The following P2RX5 variants were observed in gnomAD, a reference collection of about 807,000 sequenced individuals.
P2RX5 encodes the protein P2X purinoceptor 5.
P2RX5 carries 46 observed loss-of-function variants against 54.1 expected under a neutral mutation model. The ratio of observed to expected loss-of-function variants is 0.85; its 90% CI spans 0.67 to 1.09. The LOEUF is 1.09. Among genes scored for constraint, P2RX5 ranks in the 50% least tolerant of loss-of-function variants. P2RX5 has a pLI of 0.00. For synonymous variants in P2RX5, 226 were observed against 226.4 expected, an observed-to-expected ratio of 1.00 and a Z score of 0.02; for missense variants, 566 against 549.8, an observed-to-expected ratio of 1.03 and a Z score of -0.29.
At chr17:3,677,286 C>T (rs773805421) in intron 11 of P2RX5, 60 of 985,196 alleles carry the variant, frequency 6.1e-5, no homozygotes, top group Non-Finnish European at 7.0e-5. Context: ...GGCAGGAGCT[C>T]GGCAGGGTCA....
the P2RX5 span, among the ~76,000 whole-genome samples, chr17:3,708,359 T>C: frequency 1.3e-5 from 2 of 151,950 alleles, no homozygotes; most frequent in Non-Finnish European, 2.9e-5. Flanking sequence ...AATGCACCTC[T>C]TCTACCCCAG....
intron 1 of P2RX5, among the ~76,000 whole-genome samples, chr17:3,692,356 A>G (rs377256209): frequency 4.6e-5 from 7 of 152,100 alleles, no homozygotes; most frequent in Admixed American, 1.3e-4. Context: ...GGCAAAGACC[A>G]CTGTCCACTC....
chr17:3,705,964 T>TG, the P2RX5 span, among the ~76,000 whole-genome samples: 2 of 151,792 alleles, frequency 1.3e-5, no homozygotes, highest in East Asian at 3.9e-4. Flanking sequence ...TGGATAATTT[T>TG]TTTTTTTTTA....
chr17:3,691,474 A>G (rs1261014723), intron 2 of P2RX5, among the ~76,000 whole-genome samples, 170 bp downstream of exon 2: 1 of 152,198 alleles, frequency 6.6e-6, no homozygotes, highest in Non-Finnish European at 1.5e-5. Flanking sequence ...GGGGTTTGGC[A>G]TGGGAGGTAG....
At chr17:3,706,276 G>A in the P2RX5 span, among the ~76,000 whole-genome samples, 1 of 151,842 alleles carries the variant, frequency 6.6e-6, no homozygotes. Flanking sequence ...TATGTTTTCT[G>A]TACAGACAGG....
Position 3,673,298 on chromosome 17 carries a change from C to T in P2RX5, c.*570G>A. 6.0e-6 allele frequency: 6 copies of T among 992,280 alleles called. No individual in the cohort carries two copies. Among genetic ancestry groups the T allele is most frequent in the Non-Finnish European group, 7.2e-6 (6 of 833,314 alleles). 61.5% of individuals were successfully genotyped at this position (992,280 alleles called of 1,614,324 possible). On this transcript the variant is annotated 3_prime_UTR_variant, in exon 12 of 12. Transcript: ENST00000225328. ...AGAGAATACATATCTTGGGCAGGTC[C>T]CAGAAAGCGTCTGCCATCTCCCCCA...
chr17:3,679,568 C>T (rs745383826), intron 11 of P2RX5, 22 bp downstream of exon 11: 3 of 1,603,000 alleles, frequency 1.9e-6, no homozygotes, highest in Non-Finnish European at 2.5e-6. Context: ...CTGTCGGGCT[C>T]TCTGCCTAGC....
Position 3,681,887 on chromosome 17 carries a change from G to A in P2RX5, c.1064+9C>T, listed in dbSNP as rs548835358. 26 of 1,603,666 alleles carry A rather than the reference G, an allele frequency of 1.6e-5. No homozygotes were observed. Among genetic ancestry groups the A allele is most frequent in the African/African-American group, 6.7e-5 (5 of 74,836 alleles). ...GCCCTCGGGCCGCCGGCCTGGAAGC[G>A]GAACTGACCTCACTTCCTCGTACTT... is the stretch of plus-strand genomic sequence containing the variant. On this transcript the variant is annotated intron_variant, in intron 10 of 11. Coordinates refer to ENST00000225328, the MANE Select transcript of P2RX5 (RefSeq NM_002561.4).
At chr17:3,676,226 G>C (rs1333442635) in intron 11 of P2RX5, 66 of 985,316 alleles carry the variant, frequency 6.7e-5, no homozygotes, top group Non-Finnish European at 7.7e-5. Flanking sequence ...TAGGAGAAGA[G>C]AGCTAGTCAG....
chr17:3,723,592 C>G, the P2RX5 span: 1 of 1,312,938 alleles, frequency 7.6e-7, no homozygotes. Context: ...CGGCACTGGC[C>G]GGCAGGGGTA....
the P2RX5 span, chr17:3,720,359 G>A: frequency 6.3e-7 from 1 of 1,587,766 alleles, no homozygotes; most frequent in Non-Finnish European, 8.7e-7. Context: ...TTTGTTGAAA[G>A]ATATTTCACC....
chr17:3,715,446 C>T, the P2RX5 span, among the ~76,000 whole-genome samples: 22,671 of 152,110 alleles, frequency 0.15, 5,267 homozygotes, highest in African/African-American at 0.5. Context: ...GTCTCTAGAC[C>T]GCTTTCAGGG....
intron 11 of P2RX5, among the ~76,000 whole-genome samples, chr17:3,678,595 C>T (rs1279874697): frequency 6.6e-6 from 1 of 152,250 alleles, no homozygotes; most frequent in East Asian, 1.9e-4. Context: ...CTGCCTCTCT[C>T]TCTCCTCACT....
intron 9 of P2RX5, among the ~76,000 whole-genome samples, chr17:3,684,095 G>A (rs938074227): frequency 6.6e-6 from 1 of 152,248 alleles, no homozygotes; most frequent in Non-Finnish European, 1.5e-5. Context: ...GACTCAGGAC[G>A]CCTTTCCCTG....
chr17:3,679,585 C>T lies in P2RX5; in HGVS notation c.1259+5G>A. On this transcript the variant is annotated splice_donor_5th_base_variant and intron_variant, in intron 11 of 11. Transcript: ENST00000225328. ...GTCGGGCTCTCTGCCTAGCAGTGGC[C>T]TCACCTGTGGGGCTCCAGGAGCTGT... is the stretch of plus-strand genomic sequence containing the variant. 6.2e-7 allele frequency: 1 copy of T among 1,606,012 alleles called. No individual in the cohort carries two copies. The highest frequency in any genetic ancestry group is 1.3e-5 in the African/African-American group (1 of 75,032).
the P2RX5 span, chr17:3,723,452 C>T: frequency 8.4e-7 from 1 of 1,191,656 alleles, no homozygotes; most frequent in Admixed American, 1.7e-5. Context: ...TTTAACACTT[C>T]GGACACAGAG....
At chr17:3,677,773 G>C (rs566595449) in intron 11 of P2RX5, 6 of 985,390 alleles carry the variant, frequency 6.1e-6, no homozygotes, top group Non-Finnish European at 7.2e-6. Flanking sequence ...ATGAATGAGT[G>C]AAGGTGCAGC....
At chr17:3,720,466 G>T in the P2RX5 span, 1 of 776,504 alleles carries the variant, frequency 1.3e-6, no homozygotes, top group South Asian at 1.5e-5. Context: ...CACTGTGTTT[G>T]AACAGCCTTC....
chr17:3,706,369 A>G, the P2RX5 span, among the ~76,000 whole-genome samples: 2 of 152,248 alleles, frequency 1.3e-5, no homozygotes, highest in South Asian at 4.2e-4. Flanking sequence ...TGCTGGGGTT[A>G]CAGCTGTGAG....
Sources: gnomAD v4.1 joint callset for allele counts (sites outside exome capture counted in the v4.1 genomes callset) on GRCh38, gnomAD v4.1.1 for gene constraint, MANE v1.5 for transcripts, NCBI Gene and HGNC (gene_info 2026-07-23, HGNC 2026-07-21) for gene names.